DENND1B: variants seen among roughly 807,000 people sequenced by gnomAD.
The protein encoded by DENND1B is DENN domain-containing protein 1B.
DENND1B carries 59 observed loss-of-function variants against 90.1 expected under a neutral mutation model. The ratio of observed to expected loss-of-function variants is 0.65; its 90% confidence interval spans 0.53 to 0.81. DENND1B has a LOEUF of 0.81. Ranked by LOEUF, DENND1B falls within the 40% of genes least tolerant of loss-of-function variation. The pLI is 0.00. For synonymous variants in DENND1B, 337 were observed against 324.6 expected (o/e 1.04, Z -0.41); for missense variants, 862 against 912.6 (o/e 0.94, Z 0.71).
rs1319598170 is a variant in DENND1B at position 197,653,704 on chromosome 1, C to G, written c.367-1389G>C. 2.6e-5 allele frequency among the ~76,000 whole-genome samples: 4 copies of G among 151,700 alleles called. 1 individual carries two copies. In the South Asian group the frequency reaches 8.3e-4, roughly 32 times the overall value. On this transcript the variant is annotated intron_variant, in intron 6 of 22. Coordinates refer to ENST00000620048, the MANE Select transcript of DENND1B (RefSeq NM_001195215.2). ...ATATAAATTTTCTCATAGCTATTTT[C>G]TTTTATGTATTCCAGTATTACTGAT...
intron 13 of DENND1B, among the ~76,000 whole-genome samples, chr1:197,601,212 T>C (rs955435531): frequency 8.1e-5 from 12 of 148,506 alleles, no homozygotes; most frequent in African/African-American, 3.0e-4. Flanking sequence ...ACAATGCGTG[T>C]ACATAGTAGA....
chr1:197,735,336 A>G, intron 2 of DENND1B: 2 of 1,296,430 alleles, frequency 1.5e-6, no homozygotes, highest in South Asian at 3.2e-5. Flanking sequence ...TTTCCTCAGA[A>G]TGCTACACAG....
chr1:197,749,087 G>A (rs1410980193), intron 2 of DENND1B, among the ~76,000 whole-genome samples: 1 of 152,008 alleles, frequency 6.6e-6, no homozygotes, highest in East Asian at 1.9e-4. Flanking sequence ...AATTGAAACT[G>A]TACAAACCGA....
chr1:197,690,141 C>T (rs932469100), intron 3 of DENND1B: 1 of 270,854 alleles, frequency 3.7e-6, no homozygotes. Context: ...TGTTGAAATG[C>T]ACCAAAAAGC....
intron 13 of DENND1B, among the ~76,000 whole-genome samples, chr1:197,597,326 C>A (rs1028037361): frequency 1.9e-4 from 29 of 151,372 alleles, no homozygotes; most frequent in African/African-American, 5.6e-4. Context: ...TAATTACTAC[C>A]TCCACCCCCA....
intron 15 of DENND1B, among the ~76,000 whole-genome samples, chr1:197,563,230 G>A (rs1483183251): frequency 6.6e-6 from 1 of 151,954 alleles, no homozygotes; most frequent in African/African-American, 2.4e-5. Flanking sequence ...ACCTTCTATT[G>A]GAAGAAGATA....
At chr1:197,662,631 G>A (rs763625824) in intron 5 of DENND1B, among the ~76,000 whole-genome samples, 3 of 151,964 alleles carry the variant, frequency 2.0e-5, no homozygotes, top group South Asian at 2.1e-4. Flanking sequence ...TGTTACATGT[G>A]TGTGTATACA....
chr1:197,525,011 G>A (rs1169855236), intron 20 of DENND1B, among the ~76,000 whole-genome samples: 1 of 152,048 alleles, frequency 6.6e-6, no homozygotes, highest in African/African-American at 2.4e-5. Context: ...TTGTTAATCA[G>A]AAACTACATA....
In DENND1B at chr1:197,746,866, A is replaced by G. The variant is rs1663807235; in HGVS notation, c.82+26002T>C. 2.5e-6 allele frequency: 4 copies of G among 1,612,136 alleles called. No individual in the cohort carries two copies. In the Admixed American group the frequency reaches 6.7e-5, roughly 27 times the overall value. On this transcript the variant is annotated intron_variant, in intron 2 of 22. Transcript: ENST00000620048. ...TTTCAACCTCCTTTTTGGCTTTTACAAAGTTGTGGCAGGCAACTGCTTTGG... is the reference window on the plus strand; with the variant it reads ...TTTCAACCTCCTTTTTGGCTTTTACGAAGTTGTGGCAGGCAACTGCTTTGG...
intron 7 of DENND1B, among the ~76,000 whole-genome samples, chr1:197,651,207 G>A (rs985975047): frequency 5.3e-5 from 8 of 151,528 alleles, no homozygotes; most frequent in African/African-American, 1.9e-4. Flanking sequence ...TATTTTAGAA[G>A]AAACAAAATT....
chr1:197,628,501 C>T (rs1365670348), intron 10 of DENND1B, among the ~76,000 whole-genome samples: 2 of 152,154 alleles, frequency 1.3e-5, no homozygotes, highest in African/African-American at 4.8e-5. Flanking sequence ...GGATCCCCTC[C>T]TTACACCTTT....
chr1:197,738,924 G>A (rs959559949), intron 2 of DENND1B, among the ~76,000 whole-genome samples: 2 of 152,190 alleles, frequency 1.3e-5, no homozygotes, highest in African/African-American at 2.4e-5. Context: ...GAGCCCAGTG[G>A]TCTTCCTGAG....
chr1:197,631,578 T>C (rs1203652602), intron 10 of DENND1B, among the ~76,000 whole-genome samples: 1 of 151,974 alleles, frequency 6.6e-6, no homozygotes, highest in Admixed American at 6.6e-5. Context: ...AAAATATCTT[T>C]CACCCAGAAC....
intron 2 of DENND1B, among the ~76,000 whole-genome samples, chr1:197,745,631 TATATATATA>T: frequency 6.8e-6 from 1 of 146,786 alleles, no homozygotes; most frequent in East Asian, 2.0e-4. Flanking sequence ...TATATATATA[TATATATATA>T]ATATATATAA....
chr1:197,650,438 A>G (rs1653000956), intron 7 of DENND1B, among the ~76,000 whole-genome samples: 1 of 152,218 alleles, frequency 6.6e-6, no homozygotes, highest in Non-Finnish European at 1.5e-5. Flanking sequence ...TAGTACAGCC[A>G]CTATGAAAAA....
chr1:197,555,760 T>G (rs2125692190), intron 15 of DENND1B, among the ~76,000 whole-genome samples: 1 of 152,034 alleles, frequency 6.6e-6, no homozygotes, highest in East Asian at 1.9e-4. Flanking sequence ...TCGGTGAGAG[T>G]GCAAATTAGT....
At chr1:197,542,129 A>C (rs1319107536) in intron 18 of DENND1B, among the ~76,000 whole-genome samples, 1 of 152,192 alleles carries the variant, frequency 6.6e-6, no homozygotes, top group African/African-American at 2.4e-5. Flanking sequence ...AAATGCTCCA[A>C]GCAAATGGCT....
intron 13 of DENND1B, among the ~76,000 whole-genome samples, chr1:197,603,136 A>G (rs975513951): frequency 2.6e-5 from 4 of 151,442 alleles, no homozygotes; most frequent in Non-Finnish European, 5.9e-5. Context: ...ACACCCTCAT[A>G]GTAGAAAACA....
At chr1:197,713,645 T>G (rs1660183722) in intron 3 of DENND1B, among the ~76,000 whole-genome samples, 2 of 67,400 alleles carry the variant, frequency 3.0e-5, no homozygotes, top group East Asian at 4.8e-4. Context: ...GATGACACGT[T>G]AGTGGGTGCA....
Sources: allele counts gnomAD v4.1 joint callset (sites outside exome capture counted in the v4.1 genomes callset), GRCh38; gene constraint gnomAD v4.1.1; transcripts MANE v1.5; gene names NCBI Gene and HGNC (gene_info 2026-07-23, HGNC 2026-07-21).